Variants in ABLIM3 observed in about 807,000 individuals in gnomAD.
ABLIM3 encodes the protein actin binding LIM protein family member 3.
In ABLIM3, 61 loss-of-function variants were observed where a neutral mutation model predicts 109.5. That is an observed-to-expected ratio of 0.56 (90% CI 0.45 to 0.69). ABLIM3 has a LOEUF of 0.69. Among genes scored for constraint, ABLIM3 ranks in the 30% least tolerant of loss-of-function variants. ABLIM3 has a pLI of 0.00. For synonymous variants in ABLIM3, 300 were observed against 324.8 expected, an observed-to-expected ratio of 0.92 and a Z score of 0.82; for missense variants, 796 against 889.5, an observed-to-expected ratio of 0.89 and a Z score of 1.34.
intron 16 of ABLIM3, 95 bp downstream of exon 16, chr5:149,245,110 T>A: frequency 6.6e-7 from 1 of 1,510,768 alleles, no homozygotes; most frequent in Non-Finnish European, 9.1e-7. Context: ...ATACAATCAT[T>A]CTGAATAAGA....
intron 2 of ABLIM3, among the ~76,000 whole-genome samples, chr5:149,150,212 C>T (rs1347775009): frequency 6.6e-6 from 1 of 152,130 alleles, no homozygotes; most frequent in African/African-American, 2.4e-5. Flanking sequence ...AGAAGACACC[C>T]AGCACACGGG....
At chr5:149,254,389 C>A (rs940510700) in intron 23 of ABLIM3, among the ~76,000 whole-genome samples, 4 of 152,194 alleles carry the variant, frequency 2.6e-5, no homozygotes, top group Non-Finnish European at 2.9e-5. Flanking sequence ...TTTCCTCTGC[C>A]TGACCCTGAG....
intron 2 of ABLIM3, among the ~76,000 whole-genome samples, chr5:149,173,792 C>T (rs1163051304): frequency 6.6e-6 from 1 of 152,032 alleles, no homozygotes; most frequent in Admixed American, 6.5e-5. Flanking sequence ...GAGGCCGAGG[C>T]GGGTGGATCA....
rs1220532112 is a variant in ABLIM3 at position 149,199,533 on chromosome 5, C to T, written c.336-783C>T. 2.6e-5 allele frequency among the ~76,000 whole-genome samples: 4 copies of T among 152,134 alleles called. No homozygotes were observed. The East Asian group carries it at 7.7e-4, about 29-fold the overall frequency. On this transcript the variant is annotated intron_variant, in intron 4 of 23. Coordinates refer to ENST00000309868, the MANE Select transcript of ABLIM3 (RefSeq NM_014945.5). ...AGGTCTCTGTCAAGCCAGGTGACTC[C>T]CCAAGATCACGCAATGTCTTTCTAC...
intron 6 of ABLIM3, among the ~76,000 whole-genome samples, chr5:149,208,717 G>A (rs925067861): frequency 5.3e-5 from 8 of 152,198 alleles, no homozygotes; most frequent in Non-Finnish European, 1.0e-4. Context: ...GACCTCAACT[G>A]GGAAGGGGTG....
rs551114017 is a variant in ABLIM3, at chr5:149,230,479, G to T, written c.758-170G>T. ...GGACACACAGAAAAAGGATGTGAGC[G>T]GTCGCATAGGTCTGAGAGGTGCCAG... On this transcript the variant is annotated intron_variant, in intron 8 of 23. Transcript: ENST00000309868. Among the ~76,000 whole-genome samples the T allele has an allele frequency of 2.0e-5, 3 of 152,094 alleles. No individual in the cohort carries two copies. The South Asian group carries it at 6.2e-4, about 32-fold the overall frequency.
At chr5:149,178,074 A>T (rs925571165) in intron 2 of ABLIM3, among the ~76,000 whole-genome samples, 3 of 151,998 alleles carry the variant, frequency 2.0e-5, no homozygotes, top group African/African-American at 7.2e-5. Context: ...CAACGATCCC[A>T]TGACTCTGTG....
chr5:149,219,537 G>T (rs1369637150), intron 8 of ABLIM3: 1 of 152,276 alleles, frequency 6.6e-6, no homozygotes, highest in Non-Finnish European at 1.5e-5. Flanking sequence ...GTGAGAATGG[G>T]AGTGCGTCAG....
chr5:149,259,087 G>C lies in ABLIM3; in HGVS notation c.*683G>C. ...GGATTCCTGGTAGGAAAAGGAAAAG[G>C]CCCTTCCCTTCCCTCCACCACTTCC... On this transcript the variant is annotated 3_prime_UTR_variant, in exon 24 of 24. Coordinates refer to ENST00000309868, the MANE Select transcript of ABLIM3 (RefSeq NM_014945.5). 2 of 1,008,948 alleles carry C rather than the reference G, an allele frequency of 2.0e-6. No individual in the cohort carries two copies. Among genetic ancestry groups the C allele is most frequent in the Non-Finnish European group, 2.4e-6 (2 of 844,176 alleles). The allele number at this position is 1,008,948 out of a possible 1,614,324, so 62.5% of individuals were successfully genotyped here. A position where few individuals can be genotyped will look rare whatever the true frequency, so the allele number is the denominator to read the frequency against.
Position 149,233,262 on chromosome 5 carries a change from C to G in ABLIM3, c.850C>G (p.Pro284Ala), listed in dbSNP as rs1762040810. Reference protein sequence around the residue: ...RRTSETSISPPGSSIGSPNRV... With the variant: ...RRTSETSISPAGSSIGSPNRV... ...GACATCTGAAACCTCCATCTCACCC[C>G]CTGGATCCAGCATTGGGTCACCCAA... Residue 284 changes from proline to alanine, a missense_variant, in exon 10 of 24, where the codon CCT (proline) becomes GCT (alanine). Physicochemically the swap from Pro to Ala is conservative, Grantham distance 27. Coordinates refer to ENST00000309868, the MANE Select transcript of ABLIM3 (RefSeq NM_014945.5). 6.2e-7 allele frequency: 1 copy of G among 1,614,184 alleles called. No individual in the cohort carries two copies. The highest frequency in any genetic ancestry group is 8.5e-7 in the Non-Finnish European group (1 of 1,180,026).
At chr5:149,178,320 G>A (rs948378991) in intron 2 of ABLIM3, among the ~76,000 whole-genome samples, 1 of 152,114 alleles carries the variant, frequency 6.6e-6, no homozygotes, top group Non-Finnish European at 1.5e-5. Flanking sequence ...CAGAGTGAAA[G>A]CGGCTGCACC....
At chr5:149,173,978 C>T (rs1218480273) in intron 2 of ABLIM3, among the ~76,000 whole-genome samples, 5 of 146,062 alleles carry the variant, frequency 3.4e-5, no homozygotes, top group Admixed American at 6.8e-5. Context: ...GCCGAGATCG[C>T]GCCACTGCAC....
intron 3 of ABLIM3, among the ~76,000 whole-genome samples, chr5:149,188,137 A>G (rs1268238897): frequency 2.6e-5 from 4 of 152,212 alleles, no homozygotes; most frequent in Non-Finnish European, 5.9e-5. Context: ...CACCACTTCT[A>G]TTTGACATTG....
Position 149,230,704 on chromosome 5 carries a change from A to C in ABLIM3, c.813A>C (p.Leu271Phe). The C allele has an allele frequency of 6.2e-7, 1 of 1,614,072 alleles. No homozygotes were observed. The highest frequency in any genetic ancestry group is 8.5e-7 in the Non-Finnish European group (1 of 1,179,952). ...AGGCAGCCCGGGCAGAGAAGAAGTT[A>C]AAGGTAAGCAAGCTAGTAGATTCCA... ...CKQAARAEKK[L>F]KHRRTSETSI... The change falls in exon 9 of 24, where the codon TTA (leucine) becomes TTC (phenylalanine). Residue 271 changes from leucine (L) to phenylalanine (F), a missense_variant. Coordinates refer to ENST00000309868, the MANE Select transcript of ABLIM3 (RefSeq NM_014945.5).
chr5:149,234,121 G>T (rs1338745299), intron 10 of ABLIM3, among the ~76,000 whole-genome samples: 1 of 152,218 alleles, frequency 6.6e-6, no homozygotes, highest in African/African-American at 2.4e-5. Flanking sequence ...TTCCAGGAAA[G>T]AAAAGCACAG....
At chr5:149,239,118 GA>G in intron 11 of ABLIM3, 129 bp from the exon 12 acceptor site, 1 of 856,946 alleles carries the variant, frequency 1.2e-6, no homozygotes, top group Non-Finnish European at 2.0e-6. Flanking sequence ...CTGTTATCTG[GA>G]GAGGGGTACA....
chr5:149,229,103 A>G (rs531644577), intron 8 of ABLIM3, among the ~76,000 whole-genome samples: 2 of 152,284 alleles, frequency 1.3e-5, no homozygotes, highest in East Asian at 3.9e-4. Context: ...ATAGATTCGG[A>G]AGCAACTCAG....
intron 10 of ABLIM3, among the ~76,000 whole-genome samples, chr5:149,237,020 G>A (rs1279313500): frequency 1.3e-5 from 2 of 152,162 alleles, no homozygotes; most frequent in Non-Finnish European, 2.9e-5. Context: ...TGTGAATTGG[G>A]ATGTCCTCAC....
intron 2 of ABLIM3, among the ~76,000 whole-genome samples, chr5:149,143,614 C>T (rs1476944147): frequency 6.7e-6 from 1 of 148,238 alleles, no homozygotes; most frequent in Non-Finnish European, 1.5e-5. Flanking sequence ...TTGTATGATT[C>T]ATCTCTCTGC....
Sources: gnomAD v4.1 joint callset for allele counts (sites outside exome capture counted in the v4.1 genomes callset) on GRCh38, gnomAD v4.1.1 for gene constraint, MANE v1.5 for transcripts, NCBI Gene and HGNC (gene_info 2026-07-23, HGNC 2026-07-21) for gene names.